The following ART1 variants were observed in gnomAD, a reference collection of about 807,000 sequenced individuals.
ART1 encodes the protein ADP-ribosyltransferase 1, also known as GPI-linked NAD(P)(+)--arginine ADP-ribosyltransferase 1.
ART1 carries 29 observed loss-of-function variants against 27.0 expected under a neutral mutation model. The ratio of observed to expected loss-of-function variants is 1.08; its 90% confidence interval spans 0.80 to 1.47. The LOEUF (loss-of-function observed/expected upper bound fraction) is 1.47, where lower values mean the gene tolerates loss of function less well. Among genes scored for constraint, ART1 ranks in the 40% most tolerant of loss-of-function variants. ART1 has a pLI of 0.00. For missense variants in ART1, 480 were observed against 423.0 expected, an observed-to-expected ratio of 1.13 and a Z score of -1.18; for synonymous variants, 201 against 172.2, an observed-to-expected ratio of 1.17 and a Z score of -1.31.
intron 1 of ART1, among the ~76,000 whole-genome samples, chr11:3,657,775 A>T (rs1363372194): frequency 6.6e-6 from 1 of 152,164 alleles, no homozygotes; most frequent in Non-Finnish European, 1.5e-5. Context: ...TCCTATAAAA[A>T]CATGCACACA....
intron 3 of ART1, 151 bp from the exon 4 acceptor site, chr11:3,661,221 C>T: frequency 1.5e-6 from 1 of 653,868 alleles, no homozygotes; most frequent in African/African-American, 1.9e-5. Context: ...CAAACCTAGT[C>T]AAGGGAGGTT....
chr11:3,663,089 A>ATCATC (rs58565508), intron 4 of ART1, among the ~76,000 whole-genome samples: 27,572 of 86,348 alleles, frequency 0.32, 5,589 homozygotes, highest in Middle Eastern at 0.45. Context: ...ATCTCATCTC[A>ATCATC]TCATCTCATC....
At chr11:3,654,846 A>T (rs2077556928) in intron 1 of ART1, among the ~76,000 whole-genome samples, 1 of 152,212 alleles carries the variant, frequency 6.6e-6, no homozygotes, top group African/African-American at 2.4e-5. Context: ...CACTAATTCC[A>T]TGTCCTCAGT....
intron 4 of ART1, among the ~76,000 whole-genome samples, chr11:3,663,087 T>TCATCA (rs1266009400): frequency 8.9e-5 from 5 of 55,938 alleles, no homozygotes; most frequent in African/African-American, 3.0e-4. Flanking sequence ...TCATCTCATC[T>TCATCA]CATCATCTCA....
rs1178325310 is a variant in ART1, at chr11:3,664,285, C to A, written c.*96C>A. The A allele has an allele frequency of 2.3e-5, 28 of 1,218,842 alleles. No individual in the cohort carries two copies. The East Asian group carries it at 6.6e-4, about 29-fold the overall frequency. 75.5% of individuals were successfully genotyped at this position (1,218,842 alleles called of 1,614,324 possible). ...AGTGTAACCAAGATTCCTGTCAATCCCATCTGCAGGGAACTCTGGGACCTT... is the reference window on the plus strand; with the variant it reads ...AGTGTAACCAAGATTCCTGTCAATCACATCTGCAGGGAACTCTGGGACCTT... On this transcript the variant is annotated 3_prime_UTR_variant, in exon 5 of 5. Coordinates refer to ENST00000250693, the MANE Select transcript of ART1 (RefSeq NM_004314.3).
intron 1 of ART1, among the ~76,000 whole-genome samples, chr11:3,649,712 A>C (rs1409893289): frequency 1.3e-5 from 2 of 152,238 alleles, no homozygotes; most frequent in Middle Eastern, 3.4e-3. Context: ...AGCCCTCCCC[A>C]ACCTGCCCAG....
intron 1 of ART1, among the ~76,000 whole-genome samples, chr11:3,652,165 A>T (rs1013236619): frequency 6.6e-6 from 1 of 150,590 alleles, no homozygotes; most frequent in East Asian, 1.9e-4. Flanking sequence ...AATTAGCTTT[A>T]CTCAACATGC....
intron 1 of ART1, among the ~76,000 whole-genome samples, chr11:3,651,758 T>A (rs61878537): frequency 0.029 from 4,349 of 151,900 alleles, 81 homozygotes; most frequent in Non-Finnish European, 0.043. Context: ...GTCCCACAAT[T>A]ACCATTGTTC....
At chr11:3,659,387 G>A (rs2077599346) in intron 2 of ART1, 111 bp downstream of exon 2, 3 of 1,514,436 alleles carry the variant, frequency 2.0e-6, no homozygotes, top group East Asian at 2.3e-5. Flanking sequence ...GCTTCCCCTG[G>A]GGATCACTCA....
In ART1 at chr11:3,659,915, T is replaced by C. The variant is rs2077605236; in HGVS notation, c.396T>C (p.Asn132=). The change falls in exon 3 of 5, where the codon AAT becomes AAC. Residue 132 remains asparagine (N), a synonymous_variant. Coordinates refer to ENST00000250693, the MANE Select transcript of ART1 (RefSeq NM_004314.3). ...ACAGCCCCCTGCACAAGGAGTTCAA[T>C]GCAGCCGTGCGTGAGGCGGGCCGCT... The part of the protein sequence containing the change: ...TANSPLHKEF[N]AAVREAGRSR... 6.2e-7 allele frequency: 1 copy of C among 1,613,184 alleles called. No homozygotes were observed. Among genetic ancestry groups the C allele is most frequent in the African/African-American group, 1.3e-5 (1 of 75,074 alleles).
chr11:3,652,573 C>G (rs1377897449), intron 1 of ART1, among the ~76,000 whole-genome samples: 1 of 152,166 alleles, frequency 6.6e-6, no homozygotes, highest in African/African-American at 2.4e-5. Flanking sequence ...CAAGATACAG[C>G]CCATTTGAGC....
rs35136756 is a variant in ART1 at position 3,659,885 on chromosome 11, A to G, written c.366A>G (p.Thr122=). The change falls in exon 3 of 5, where the codon ACA becomes ACG. Residue 122 remains threonine, a synonymous_variant. Coordinates refer to ENST00000250693, the MANE Select transcript of ART1 (RefSeq NM_004314.3). ...DEHGVALLAY[T]ANSPLHKEFN... is the part of the protein sequence containing the mutation. ...ATGGGGTGGCCCTCCTGGCCTACAC[A>G]GCCAACAGCCCCCTGCACAAGGAGT... The G allele has an allele frequency of 0.13, 208,105 of 1,612,304 alleles. 14,838 individuals are homozygous for G. Among genetic ancestry groups the G allele is most frequent in the African/African-American group, 0.26 (19,733 of 74,970 alleles).
chr11:3,653,577 T>A (rs943128703), intron 1 of ART1, among the ~76,000 whole-genome samples: 3 of 152,164 alleles, frequency 2.0e-5, no homozygotes, highest in Non-Finnish European at 4.4e-5. Context: ...CTCAGGTGAT[T>A]AAAAGCTTTA....
rs1415717843 is a variant in ART1 at position 3,660,013 on chromosome 11, TGGGCAGCGGCCAGCGTCCACCCC to T, written c.497_519del (p.Gly166ValfsTer42). On this transcript the variant is annotated frameshift_variant, in exon 3 of 5. Transcript: ENST00000250693. LOFTEE classifies it high-confidence loss of function. ...CTGCTGACTGAGGCCCTGCAGCTCC[TGGGCAGCGGCCAGCGTCCACCCC>T]GGTGCCACCAGGTGTTCCGAGGTGT... The T allele has an allele frequency of 6.2e-7, 1 of 1,613,948 alleles. No homozygotes were observed. Among genetic ancestry groups the T allele is most frequent in the East Asian group, 2.2e-5 (1 of 44,884 alleles).
chr11:3,653,374 T>A (rs1169855265), intron 1 of ART1, among the ~76,000 whole-genome samples: 4 of 148,300 alleles, frequency 2.7e-5, no homozygotes, highest in Admixed American at 6.6e-5. Flanking sequence ...GATGACATTG[T>A]CTTGTGAAAT....
In ART1 at chr11:3,659,669, C is replaced by G; in HGVS notation, c.150C>G (p.Tyr50Ter). The stretch of plus-strand genomic sequence containing the variant: ...CCCTGGCCTCCTTTGATGACCAGTA[C>G]GCTGGCTGTGCTGCTGCCATGACAG... The part of the protein sequence containing the change: ...DMALASFDDQ[Y>*]AGCAAAMTAA... Residue 50 changes from tyrosine to a stop codon, truncating the protein, a stop_gained, in exon 3 of 5, where the codon TAC (tyrosine) becomes TAG (stop). Coordinates refer to ENST00000250693, the MANE Select transcript of ART1 (RefSeq NM_004314.3). LOFTEE classifies it high-confidence loss of function. 6.2e-7 allele frequency: 1 copy of G among 1,613,942 alleles called. No homozygotes were observed. Among genetic ancestry groups the G allele is most frequent in the Non-Finnish European group, 8.5e-7 (1 of 1,180,028 alleles).
At position 3,661,389 on chromosome 11, in the gene ART1, G is replaced by C; in HGVS notation, c.862G>C (p.Gly288Arg). 1 of 1,612,654 alleles carries C rather than the reference G, an allele frequency of 6.2e-7. No homozygotes were observed. Among genetic ancestry groups the C allele is most frequent in the South Asian group, 1.1e-5 (1 of 90,854 alleles). ...EYIKDKKCKS[G>R]PCHLDNSAMG... is the part of the protein sequence containing the mutation. ...TTCTATAGACAAGAAGTGCAAGTCTGGGCCTTGCCATCTGGATAATTCAGG... is the reference window on the plus strand; with the variant it reads ...TTCTATAGACAAGAAGTGCAAGTCTCGGCCTTGCCATCTGGATAATTCAGG... Residue 288 changes from glycine to arginine, a missense_variant, in exon 4 of 5, where the codon GGG becomes CGG. By Grantham distance (125) the Gly-to-Arg change is moderately radical. Coordinates refer to ENST00000250693, the MANE Select transcript of ART1 (RefSeq NM_004314.3).
chr11:3,650,878 C>T (rs1272911001), intron 1 of ART1, among the ~76,000 whole-genome samples: 11 of 137,880 alleles, frequency 8.0e-5, no homozygotes, highest in African/African-American at 2.8e-4. Flanking sequence ...ATCATGCACC[C>T]CTTACCATCC....
chr11:3,652,322 T>C (rs1247261303), intron 1 of ART1, among the ~76,000 whole-genome samples: 1 of 150,426 alleles, frequency 6.6e-6, no homozygotes, highest in Non-Finnish European at 1.5e-5. Flanking sequence ...CCTTCCCACC[T>C]CTATACAGTC....
Sources: gnomAD v4.1 joint callset for allele counts (sites outside exome capture counted in the v4.1 genomes callset) on GRCh38, gnomAD v4.1.1 for gene constraint, MANE v1.5 for transcripts, NCBI Gene and HGNC (gene_info 2026-07-23, HGNC 2026-07-21) for gene names.